Variants in TRPV6 observed in about 807,000 individuals in gnomAD.
TRPV6 encodes transient receptor potential cation channel subfamily V member 6.
A neutral mutation model predicts 79.0 loss-of-function variants in TRPV6; 39 were observed. The observed-to-expected ratio is 0.49, with a 90% CI of 0.38 to 0.64. The LOEUF is 0.64. Among genes scored for constraint, TRPV6 ranks in the 30% least tolerant of loss-of-function variants. The probability of loss-of-function intolerance (pLI) is 0.00; values close to 1 mark genes in which losing one functional copy is unlikely to be tolerated. For synonymous variants in TRPV6, 373 were observed against 391.9 expected (o/e 0.95, Z 0.57); for missense variants, 813 against 1,011.1 (o/e 0.80, Z 2.66).
At position 142,873,541 on chromosome 7, in the gene TRPV6, G is replaced by A. The variant is rs111886952; in HGVS notation, c.1815C>T (p.Ile605=). ...GGAGGTTGAGCATGAGCAGTGTGGC[G>A]ATGATGGCAAAGGCAGCATAGGTGA... Residue 605 remains isoleucine (I), a synonymous_variant, in exon 13 of 15, where the codon ATC becomes ATT. Coordinates refer to ENST00000359396, the MANE Select transcript of TRPV6 (RefSeq NM_018646.6). The surrounding 1 kb of genome is among the most constrained non-coding windows in gnomAD (Gnocchi z 4.8). 428 of 1,614,230 alleles carry A rather than the reference G, an allele frequency of 2.7e-4. 2 individuals carry two copies. In the African/African-American group the frequency reaches 4.6e-3, roughly 18 times the overall value.
Position 142,871,409 on chromosome 7 carries a change from T to C in TRPV6, c.*298A>G. The C allele has an allele frequency of 1.5e-5, 7 of 458,416 alleles. No individual in the cohort carries two copies. The South Asian group carries it at 1.8e-4, about 12-fold the overall frequency. 28.4% of individuals were successfully genotyped at this position (458,416 alleles called of 1,614,324 possible). A position where few individuals can be genotyped will look rare whatever the true frequency, so the allele number is the denominator to read the frequency against. ...GACCGAGCGCCCAAGCAGGCTGGCC[T>C]GTTTTTAAAGTGCTCTGACATGCAG... On this transcript the variant is annotated 3_prime_UTR_variant, in exon 15 of 15. Coordinates refer to ENST00000359396, the MANE Select transcript of TRPV6 (RefSeq NM_018646.6).
chr7:142,876,885 T>G lies in TRPV6; in HGVS notation c.608-48A>C, dbSNP rs778755708. The G allele has an allele frequency of 1.9e-6, 3 of 1,605,768 alleles. No individual in the cohort carries two copies. In the African/African-American group the frequency reaches 4.0e-5, roughly 21 times the overall value. On this transcript the variant is annotated intron_variant, in intron 4 of 14. Coordinates refer to ENST00000359396, the MANE Select transcript of TRPV6 (RefSeq NM_018646.6). ...GGTAGGAGAGTGCAGGATGGCAGGA[T>G]GGGGTGGACAGTCTCCCCCAAGTGA...
At chr7:142,872,580 A>T in intron 13 of TRPV6, 102 bp from the exon 14 acceptor site, 1 of 1,192,186 alleles carries the variant, frequency 8.4e-7, no homozygotes, top group Non-Finnish European at 1.2e-6. Context: ...GAGAGAGTTG[A>T]TAGAGCTTGA....
chr7:142,875,652 A>G lies in TRPV6; in HGVS notation c.1058T>C (p.Val353Ala), dbSNP rs778734924. ...CCACTTGAGGCTCACCAGCTCCTTC[A>G]CCGGCGTCTGGTCCAGGATCTGGCG... is the stretch of plus-strand genomic sequence containing the variant. Residue 353 changes from valine (V) to alanine (A), a missense_variant, in exon 8 of 15, where the codon GTG becomes GCG. Val to Ala is a moderately conservative substitution (Grantham distance 64). This residue lies in a region of TRPV6 where 555 missense variants were observed against 631.0 expected (regional missense o/e 0.88). Coordinates refer to ENST00000359396, the MANE Select transcript of TRPV6 (RefSeq NM_018646.6). 1.2e-5 allele frequency: 19 copies of G among 1,613,388 alleles called. No individual in the cohort carries two copies. Among genetic ancestry groups the G allele is most frequent in the Non-Finnish European group, 1.7e-6 (2 of 1,179,854 alleles).
At chr7:142,880,739 G>A (rs1230214858) in intron 1 of TRPV6, 1 of 152,198 alleles carries the variant, frequency 6.6e-6, no homozygotes. Context: ...ACCCAGAGTT[G>A]CTAGAGTTAC....
intron 2 of TRPV6, 24 bp downstream of exon 2, chr7:142,877,905 T>C (rs764834593): frequency 6.2e-7 from 1 of 1,613,794 alleles, no homozygotes; most frequent in South Asian, 1.1e-5. Flanking sequence ...ACCTAGGAGA[T>C]CATGCTGCAT....
At position 142,873,769 on chromosome 7, in the gene TRPV6, C is replaced by A; in HGVS notation, c.1640-53G>T. ...CCATGGCAACCATGCAGACGACCAG[C>A]CCACCCCGGGCTCTGCGTGCATGTC... On this transcript the variant is annotated intron_variant, in intron 12 of 14. Transcript: ENST00000359396. The surrounding 1 kb of genome is among the most constrained non-coding windows in gnomAD (Gnocchi z 4.8). 1 of 1,604,706 alleles carries A rather than the reference C, an allele frequency of 6.2e-7. No individual in the cohort carries two copies. Among genetic ancestry groups the A allele is most frequent in the Non-Finnish European group, 8.5e-7 (1 of 1,173,116 alleles).
At chr7:142,875,410 T>C in intron 8 of TRPV6, 58 bp downstream of exon 8, 1 of 1,499,734 alleles carries the variant, frequency 6.7e-7, no homozygotes, top group African/African-American at 1.4e-5. Context: ...GGGACACCAG[T>C]CTCTGAGGAC....
intron 10 of TRPV6, 96 bp downstream of exon 10, chr7:142,874,808 G>A: frequency 6.4e-7 from 1 of 1,560,488 alleles, no homozygotes; most frequent in Middle Eastern, 1.8e-4. Flanking sequence ...TAGAGAGGGG[G>A]CTCTGGAGCT....
In TRPV6 at chr7:142,873,613, G is replaced by A. The variant is rs147746494; in HGVS notation, c.1743C>T (p.Ile581=). The A allele has an allele frequency of 1.5e-4, 235 of 1,614,108 alleles. No individual in the cohort carries two copies. Among genetic ancestry groups the A allele is most frequent in the Non-Finnish European group, 1.8e-4 (212 of 1,180,050 alleles). The change falls in exon 13 of 15, where the codon ATC becomes ATT. Residue 581 remains isoleucine, a synonymous_variant. Transcript: ENST00000359396. The surrounding 1 kb of genome is among the most constrained non-coding windows in gnomAD (Gnocchi z 4.8). ...CCACGTTGTAGTTGGCTGGGCCATC[G>A]ATGATGGTAAGGAACAGCTCGAAGG...
Position 142,877,089 on chromosome 7 carries a change from T to C in TRPV6, c.607+53A>G, listed in dbSNP as rs1292780563. The C allele has an allele frequency of 3.2e-6, 5 of 1,574,256 alleles. No individual in the cohort carries two copies. The African/African-American group carries it at 4.0e-5, about 13-fold the overall frequency. Reference sequence around the variant, plus strand: ...GATCCTCCTCTGCCTGGCCCTGCCCTGCCTTGCCCACCTTTCCAACTGCCC... The same window carrying C: ...GATCCTCCTCTGCCTGGCCCTGCCCCGCCTTGCCCACCTTTCCAACTGCCC... On this transcript the variant is annotated intron_variant, in intron 4 of 14. Transcript: ENST00000359396.
In TRPV6 at chr7:142,877,417, C is replaced by T. The variant is rs941744179; in HGVS notation, c.470-138G>A. On this transcript the variant is annotated intron_variant, in intron 3 of 14. Transcript: ENST00000359396. ...GGAGCTCTCGGGTGTTCAGGATTCC[C>T]AGGGGATCCAGCTGCTGCCCATCTC... 17 of 1,487,482 alleles carry T rather than the reference C, an allele frequency of 1.1e-5. No homozygotes were observed. In the Admixed American group the frequency reaches 2.3e-4, roughly 20 times the overall value. 92.1% of individuals were successfully genotyped at this position (1,487,482 alleles called of 1,614,324 possible).
rs1041456124 is a variant in TRPV6, at chr7:142,873,777, G to A, written c.1640-61C>T. 16 of 1,599,854 alleles carry A rather than the reference G, an allele frequency of 1.0e-5. No individual in the cohort carries two copies. The highest frequency in any genetic ancestry group is 1.8e-4 in the Middle Eastern group (1 of 5,698). On this transcript the variant is annotated intron_variant, in intron 12 of 14. Transcript: ENST00000359396. This position sits in a 1 kb window ranked among gnomAD's most constrained non-coding sequence, Gnocchi z 4.8. Reference sequence around the variant, plus strand: ...ACCATGCAGACGACCAGCCCACCCCGGGCTCTGCGTGCATGTCCATCCTGG... The same window carrying A: ...ACCATGCAGACGACCAGCCCACCCCAGGCTCTGCGTGCATGTCCATCCTGG...
rs761147943 is a variant in TRPV6 at position 142,874,568 on chromosome 7, C to T, written c.1495G>A (p.Val499Met). ...TACATGACGTTGCACCAGCCCAGCACGAGTGCAAAGGACATGGGTACCACC... is the reference window on the plus strand; with the variant it reads ...TACATGACGTTGCACCAGCCCAGCATGAGTGCAAAGGACATGGGTACCACC... The change falls in exon 11 of 15, where the codon GTG (valine) becomes ATG (methionine). Residue 499 changes from valine to methionine, a missense_variant. By Grantham distance (21) the Val-to-Met change is conservative. Coordinates refer to ENST00000359396, the MANE Select transcript of TRPV6 (RefSeq NM_018646.6). The T allele has an allele frequency of 9.9e-6, 16 of 1,614,034 alleles. No individual in the cohort carries two copies. Among genetic ancestry groups the T allele is most frequent in the South Asian group, 7.7e-5 (7 of 91,076 alleles).
At chr7:142,882,155 A>G (rs4987623) in intron 1 of TRPV6, 30,490 of 152,272 alleles carry the variant, frequency 0.2, 6,364 homozygotes, top group African/African-American at 0.53. Flanking sequence ...CAGTGAGTGT[A>G]CCCTCTGGGC....
rs745870269 is a variant in TRPV6 at position 142,875,149 on chromosome 7, G to C, written c.1258C>G (p.Pro420Ala). ...CCGACCAGCCGGATATCGTCCTTAG[G>C]GGTCATGTAGGCTTCCTAATGGGGG... Residue 420 changes from proline (P) to alanine (A), a missense_variant, in exon 9 of 15, where the codon CCT (proline) becomes GCT (alanine). Around this residue, in one of 3 missense-constraint regions of TRPV6, gnomAD observed 555 missense variants for 631.0 expected, o/e 0.88. Transcript: ENST00000359396. 5.0e-6 allele frequency: 8 copies of C among 1,613,944 alleles called. No individual in the cohort carries two copies. Among genetic ancestry groups the C allele is most frequent in the African/African-American group, 1.3e-5 (1 of 74,870 alleles).
At chr7:142,874,224 G>A (rs997933614) in intron 11 of TRPV6, 82 bp from the exon 12 acceptor site, 10 of 1,471,448 alleles carry the variant, frequency 6.8e-6, no homozygotes, top group African/African-American at 1.4e-5. Context: ...GTCTCACCCC[G>A]ACAAGTCTCA....
In TRPV6 at chr7:142,877,004, CTAAT is replaced by C. The variant is rs1795089229; in HGVS notation, c.607+134_607+137del. On this transcript the variant is annotated intron_variant, in intron 4 of 14. Coordinates refer to ENST00000359396, the MANE Select transcript of TRPV6 (RefSeq NM_018646.6). ...GTCGTGGGGTAAATTGGCCTCTAGT[CTAAT>C]TAAGCCCTAGAAGGATTGCTCCTCC... is the stretch of plus-strand genomic sequence containing the variant. 4.2e-6 allele frequency: 6 copies of C among 1,444,654 alleles called. No homozygotes were observed. The East Asian group carries it at 1.5e-4, about 36-fold the overall frequency. 89.5% of individuals were successfully genotyped at this position (1,444,654 alleles called of 1,614,324 possible).
chr7:142,872,740 G>C (rs1794970273), intron 13 of TRPV6, among the ~76,000 whole-genome samples: 1 of 152,122 alleles, frequency 6.6e-6, no homozygotes, highest in Non-Finnish European at 1.5e-5. Context: ...CAGATATTTT[G>C]ACCCTACAGA....
Sources: gnomAD v4.1 joint callset for allele counts (sites outside exome capture counted in the v4.1 genomes callset) on GRCh38, gnomAD v4.1.1 for gene constraint, gnomAD v4.1.1 regional missense constraint, Gnocchi (gnomAD v3.1) non-coding constraint, MANE v1.5 for transcripts, NCBI Gene and HGNC (gene_info 2026-07-23, HGNC 2026-07-21) for gene names.